DGAT2: variants seen among roughly 807,000 people sequenced by gnomAD.
DGAT2 encodes acyl-CoA retinol O-fatty-acyltransferase.
In DGAT2, 33 loss-of-function variants were observed where a neutral mutation model predicts 48.4. The ratio of observed to expected loss-of-function variants is 0.68; its 90% CI spans 0.52 to 0.91. DGAT2 has a LOEUF of 0.91. DGAT2 is among the 40% of genes least tolerant of loss of function. The pLI is 0.00. For missense variants in DGAT2, 446 were observed against 493.7 expected (o/e 0.90, Z 0.92); for synonymous variants, 191 against 194.1 (o/e 0.98, Z 0.13).
At chr11:75,771,486 G>A (rs1468118425) in intron 1 of DGAT2, among the ~76,000 whole-genome samples, 1 of 152,142 alleles carries the variant, frequency 6.6e-6, no homozygotes, top group African/African-American at 2.4e-5. Context: ...CCAGGAATAG[G>A]AGTGGGATGA....
intron 1 of DGAT2, among the ~76,000 whole-genome samples, chr11:75,783,137 GGT>G (rs1229007170): frequency 6.6e-6 from 1 of 152,202 alleles, no homozygotes; most frequent in Non-Finnish European, 1.5e-5. Context: ...TTATGCCAGT[GGT>G]GTTATTAGAT....
chr11:75,797,466 G>C (rs1018235681), intron 6 of DGAT2, 134 bp downstream of exon 6: 8 of 1,115,400 alleles, frequency 7.2e-6, no homozygotes, highest in Non-Finnish European at 5.9e-6. Context: ...GTTAGGGAGG[G>C]GATGTTGGAG....
In DGAT2 at chr11:75,790,277, T is replaced by A. The variant is rs545572066; in HGVS notation, c.340T>A (p.Trp114Arg). ...CTACTTCACTTGGCTGGTGTTTGAC[T>A]GGAACACACCCAAGAAAGGTAAGTG... is the stretch of plus-strand genomic sequence containing the variant. ...VLYFTWLVFD[W>R]NTPKKGGRRS... Residue 114 changes from tryptophan to arginine, a missense_variant, in exon 3 of 8, where the codon TGG becomes AGG. By Grantham distance (101) the Trp-to-Arg change is moderately radical. Transcript: ENST00000228027. The A allele has an allele frequency of 1.2e-6, 2 of 1,614,066 alleles. No individual in the cohort carries two copies. The highest frequency in any genetic ancestry group is 2.7e-5 in the African/African-American group (2 of 75,044).
intron 3 of DGAT2, 91 bp from the exon 4 acceptor site, chr11:75,790,570 C>A: frequency 2.5e-6 from 3 of 1,208,710 alleles, no homozygotes; most frequent in South Asian, 2.4e-5. Flanking sequence ...GGGTGATGGT[C>A]ACCTGCTTGG....
At chr11:75,780,102 G>GGGC (rs1373295285) in intron 1 of DGAT2, among the ~76,000 whole-genome samples, 2 of 152,192 alleles carry the variant, frequency 1.3e-5, no homozygotes, top group Non-Finnish European at 2.9e-5. Context: ...TGTGGTGAGG[G>GGGC]GGCAGATAGG....
chr11:75,780,206 G>T (rs1944846379), intron 1 of DGAT2, among the ~76,000 whole-genome samples: 1 of 152,166 alleles, frequency 6.6e-6, no homozygotes, highest in African/African-American at 2.4e-5. Flanking sequence ...GCATGTGGTG[G>T]CATCTGATTG....
intron 2 of DGAT2, among the ~76,000 whole-genome samples, chr11:75,786,623 C>T (rs1178830795): frequency 6.6e-6 from 1 of 152,228 alleles, no homozygotes; most frequent in Non-Finnish European, 1.5e-5. Flanking sequence ...CGCCTGGCCT[C>T]ACCTCGCCTC....
intron 4 of DGAT2, among the ~76,000 whole-genome samples, chr11:75,791,489 A>G (rs1343635920): frequency 2.0e-5 from 3 of 152,298 alleles, no homozygotes; most frequent in African/African-American, 4.8e-5. Context: ...AGAAAGTTGC[A>G]TCATAGGACC....
chr11:75,797,495 G>A (rs927743723), intron 6 of DGAT2, among the ~76,000 whole-genome samples, 163 bp downstream of exon 6: 16 of 152,294 alleles, frequency 1.1e-4, no homozygotes, highest in Admixed American at 1.0e-3. Flanking sequence ...GCACAGTGTG[G>A]GCCAAGTTTG....
At chr11:75,780,043 C>T (rs1484230175) in intron 1 of DGAT2, among the ~76,000 whole-genome samples, 1 of 152,178 alleles carries the variant, frequency 6.6e-6, no homozygotes, top group Non-Finnish European at 1.5e-5. Context: ...AGTGGGATGG[C>T]CAAGTAAAGT....
At chr11:75,779,352 A>G (rs1590866235) in intron 1 of DGAT2, among the ~76,000 whole-genome samples, 1 of 152,292 alleles carries the variant, frequency 6.6e-6, no homozygotes, top group Middle Eastern at 3.4e-3. Flanking sequence ...ACAGCGTAGC[A>G]TTGTAGAGAT....
Position 75,784,716 on chromosome 11 carries a change from C to T in DGAT2, c.220C>T (p.Leu74Phe). The part of the protein sequence containing the change: ...VEKQLQVISV[L>F]QWVLSFLVLG... ...AAAGCAGCTACAGGTCATCTCAGTG[C>T]TCCAGTGGGTCCTGTCCTTCCTTGT... The change falls in exon 2 of 8, where the codon CTC (leucine) becomes TTC (phenylalanine). Residue 74 changes from leucine to phenylalanine, a missense_variant. Physicochemically the swap from Leu to Phe is conservative, Grantham distance 22. Transcript: ENST00000228027. The T allele has an allele frequency of 6.2e-7, 1 of 1,614,138 alleles. No individual in the cohort carries two copies. Among genetic ancestry groups the T allele is most frequent in the Non-Finnish European group, 8.5e-7 (1 of 1,179,990 alleles).
chr11:75,797,245 C>T lies in DGAT2; in HGVS notation c.722C>T (p.Ala241Val), dbSNP rs766238005. 5 of 1,580,776 alleles carry T rather than the reference C, an allele frequency of 3.2e-6. No individual in the cohort carries two copies. The highest frequency in any genetic ancestry group is 4.8e-5 in the East Asian group (2 of 41,970). ...GCTATCATCATCGTGGTCGGGGGTG[C>T]GGCTGAGTCTCTGAGCTCCATGCCT... ...GNAIIIVVGG[A>V]AESLSSMPGK... The change falls in exon 6 of 8, where the codon GCG (alanine) becomes GTG (valine). Residue 241 changes from alanine to valine, a missense_variant. By Grantham distance (64) the Ala-to-Val change is moderately conservative. Transcript: ENST00000228027.
At chr11:75,796,232 A>G in intron 4 of DGAT2, 96 bp from the exon 5 acceptor site, 1 of 1,044,824 alleles carries the variant, frequency 9.6e-7, no homozygotes, top group East Asian at 2.4e-5. Flanking sequence ...ATGGAGGTCC[A>G]GGGGAAATGA....
rs113391874 is a variant in DGAT2, at chr11:75,784,860, A to C, written c.250+114A>C. 8 of 1,415,490 alleles carry C rather than the reference A, an allele frequency of 5.7e-6. No homozygotes were observed. In the African/African-American group the frequency reaches 7.1e-5, roughly 13 times the overall value. The allele number at this position is 1,415,490 out of a possible 1,614,324, so 87.7% of individuals were successfully genotyped here. Reference sequence around the variant, plus strand: ...GAGGGAATAAGAGTAACTCTTACACATGCTGCCCCACAGCACCTTTCCACA... The same window carrying C: ...GAGGGAATAAGAGTAACTCTTACACCTGCTGCCCCACAGCACCTTTCCACA... On this transcript the variant is annotated intron_variant, in intron 2 of 7. Coordinates refer to ENST00000228027, the MANE Select transcript of DGAT2 (RefSeq NM_032564.5).
intron 4 of DGAT2, among the ~76,000 whole-genome samples, chr11:75,791,711 T>G (rs1944992401): frequency 6.6e-6 from 1 of 152,238 alleles, no homozygotes; most frequent in African/African-American, 2.4e-5. Flanking sequence ...TCCAGCTTCC[T>G]GGGTCTCCCT....
Position 75,800,363 on chromosome 11 carries a change from C to A in DGAT2, c.1022C>A (p.Pro341His). The A allele has an allele frequency of 6.2e-7, 1 of 1,614,078 alleles. No homozygotes were observed. The highest frequency in any genetic ancestry group is 8.5e-7 in the Non-Finnish European group (1 of 1,179,994). ...TGCCCTGTCCCTGCAGTGGGAGAGC[C>A]CATCACCATCCCCAAGCTGGAGCAC... ...SKPITTVVGEPITIPKLEHPT... is the reference protein window; with the variant it reads ...SKPITTVVGEHITIPKLEHPT... The change falls in exon 8 of 8, where the codon CCC becomes CAC. Residue 341 changes from proline (P) to histidine (H), a missense_variant. Coordinates refer to ENST00000228027, the MANE Select transcript of DGAT2 (RefSeq NM_032564.5).
At chr11:75,798,032 C>A (rs967717305) in intron 6 of DGAT2, among the ~76,000 whole-genome samples, 195 bp from the exon 7 acceptor site, 1 of 152,216 alleles carries the variant, frequency 6.6e-6, no homozygotes, top group Non-Finnish European at 1.5e-5. Flanking sequence ...GATATGCTCC[C>A]CAGTCCCTAG....
intron 1 of DGAT2, among the ~76,000 whole-genome samples, chr11:75,781,537 C>T (rs1452623982): frequency 6.6e-6 from 1 of 152,260 alleles, no homozygotes; most frequent in Non-Finnish European, 1.5e-5. Context: ...CCAGGAGCCT[C>T]CCAACTCTAA....
Sources: gnomAD v4.1 joint callset for allele counts (sites outside exome capture counted in the v4.1 genomes callset) on GRCh38, gnomAD v4.1.1 for gene constraint, MANE v1.5 for transcripts, NCBI Gene and HGNC (gene_info 2026-07-23, HGNC 2026-07-21) for gene names.